PAK1: variants seen among roughly 807,000 people sequenced by gnomAD.
The protein encoded by PAK1 is p21 (RAC1) activated kinase 1.
PAK1 carries 29 observed loss-of-function variants against 67.4 expected under a neutral mutation model. The ratio of observed to expected loss-of-function variants is 0.43; its 90% CI spans 0.32 to 0.59. The LOEUF is 0.59. Among genes scored for constraint, PAK1 ranks in the 20% least tolerant of loss-of-function variants. PAK1 has a pLI of 0.07. For synonymous variants in PAK1, 223 were observed against 237.4 expected (o/e 0.94, Z 0.56); for missense variants, 337 against 670.7 (o/e 0.50, Z 5.50).
intron 1 of PAK1, among the ~76,000 whole-genome samples, chr11:77,399,525 A>T (rs1952319352): frequency 6.6e-6 from 1 of 152,212 alleles, no homozygotes; most frequent in South Asian, 2.1e-4. Flanking sequence ...CTCAGGGAGA[A>T]GTATATTAAT....
At chr11:77,454,368 C>T (rs531696849) in intron 1 of PAK1, among the ~76,000 whole-genome samples, 19 of 152,180 alleles carry the variant, frequency 1.2e-4, no homozygotes, top group Middle Eastern at 6.8e-3. Context: ...ACACATTATC[C>T]GGTTTTATAT....
upstream of PAK1, among the ~76,000 whole-genome samples, chr11:77,478,131 T>C (rs1958080135): frequency 6.6e-6 from 1 of 152,016 alleles, no homozygotes; most frequent in Admixed American, 6.6e-5. Flanking sequence ...AATGTGCACA[T>C]CTTTGGGATG....
intron 1 of PAK1, among the ~76,000 whole-genome samples, chr11:77,407,671 G>A (rs495889): frequency 0.7 from 106,586 of 152,114 alleles, 38,199 homozygotes; most frequent in African/African-American, 0.85. Flanking sequence ...CAGTGGAAGC[G>A]AAAATGCCTA....
chr11:77,420,692 A>G (rs138738085), intron 1 of PAK1, among the ~76,000 whole-genome samples: 334 of 152,292 alleles, frequency 2.2e-3, no homozygotes, highest in African/African-American at 7.3e-3. Context: ...ACCATCAGCA[A>G]CTTTTGTGTA....
the PAK1 span, among the ~76,000 whole-genome samples, chr11:77,510,526 C>A: frequency 3.3e-5 from 5 of 152,156 alleles, no homozygotes; most frequent in South Asian, 1.0e-3. Context: ...GGTGTGTACA[C>A]CGCACCTGGC....
chr11:77,477,901 A>C (rs1315081532), upstream of PAK1, among the ~76,000 whole-genome samples: 1 of 152,146 alleles, frequency 6.6e-6, no homozygotes, highest in Non-Finnish European at 1.5e-5. Flanking sequence ...CCAGCCCAGG[A>C]AACAGCGTGA....
intron 2 of PAK1, among the ~76,000 whole-genome samples, chr11:77,390,962 A>G (rs1246192791): frequency 2.0e-5 from 3 of 152,224 alleles, no homozygotes; most frequent in Non-Finnish European, 4.4e-5. Flanking sequence ...CTTATAAGAC[A>G]TATCTATATA....
intron 14 of PAK1, among the ~76,000 whole-genome samples, chr11:77,329,756 T>C (rs1940998135): frequency 6.6e-6 from 1 of 151,956 alleles, no homozygotes; most frequent in African/African-American, 2.4e-5. Context: ...CCACTCCTAT[T>C]CAACATAGTG....
chr11:77,436,717 G>A (rs185945337), intron 1 of PAK1, among the ~76,000 whole-genome samples: 6 of 152,198 alleles, frequency 3.9e-5, no homozygotes, highest in Non-Finnish European at 7.3e-5. Context: ...TAAGATATGC[G>A]TGGGAAAGCA....
At chr11:77,504,760 T>C in the PAK1 span, among the ~76,000 whole-genome samples, 1 of 152,370 alleles carries the variant, frequency 6.6e-6, no homozygotes, top group African/African-American at 2.4e-5. Flanking sequence ...AATAGAAGAC[T>C]GTTCAGTCAT....
At chr11:77,520,479 C>G in the PAK1 span, among the ~76,000 whole-genome samples, 1 of 152,122 alleles carries the variant, frequency 6.6e-6, no homozygotes, top group Non-Finnish European at 1.5e-5. Flanking sequence ...GGCCTTTTAC[C>G]TGTTTGCACA....
At chr11:77,386,296 A>C (rs998200872) in intron 2 of PAK1, among the ~76,000 whole-genome samples, 3 of 152,256 alleles carry the variant, frequency 2.0e-5, no homozygotes, top group African/African-American at 7.2e-5. Flanking sequence ...AAAACGTTCC[A>C]AACTTGGAGA....
chr11:77,440,920 C>G (rs565922018), intron 1 of PAK1, among the ~76,000 whole-genome samples: 6 of 152,196 alleles, frequency 3.9e-5, no homozygotes, highest in African/African-American at 1.4e-4. Context: ...AGTTTGTTCT[C>G]CAAAAGCTAG....
the PAK1 span, among the ~76,000 whole-genome samples, chr11:77,522,808 A>T: frequency 6.6e-6 from 1 of 152,340 alleles, no homozygotes; most frequent in Admixed American, 6.5e-5. Flanking sequence ...TAGCAAAGAC[A>T]TGAAATCAAC....
At chr11:77,481,221 T>C in the PAK1 span, among the ~76,000 whole-genome samples, 1 of 152,302 alleles carries the variant, frequency 6.6e-6, no homozygotes, top group South Asian at 2.1e-4. Context: ...TCTATTAACT[T>C]AATGTTCCAA....
the PAK1 span, among the ~76,000 whole-genome samples, chr11:77,486,190 C>T: frequency 2.6e-5 from 4 of 152,096 alleles, no homozygotes; most frequent in African/African-American, 9.7e-5. Flanking sequence ...TCTAAGATAT[C>T]GGTGGGGGTA....
rs1869350 is a variant in PAK1, at chr11:77,340,977, C to T, written c.999-214G>A. Among the ~76,000 whole-genome samples the T allele has an allele frequency of 5.7e-3, 870 of 152,336 alleles. 23 individuals are homozygous for T. The highest frequency in any genetic ancestry group is 0.04 in the Admixed American group (612 of 15,306). On this transcript the variant is annotated intron_variant, in intron 10 of 14. Coordinates refer to ENST00000356341, the MANE Select transcript of PAK1 (RefSeq NM_002576.5). Reference sequence around the variant, plus strand: ...ATGCTCCTGGAGAAAACCAAGTATACATGTTCTGTGAAGCCCCAAAGGGCA... The same window carrying T: ...ATGCTCCTGGAGAAAACCAAGTATATATGTTCTGTGAAGCCCCAAAGGGCA...
At chr11:77,418,576 T>C (rs923412796) in intron 1 of PAK1, among the ~76,000 whole-genome samples, 1 of 152,256 alleles carries the variant, frequency 6.6e-6, no homozygotes, top group Non-Finnish European at 1.5e-5. Context: ...AGTCTGCCCA[T>C]ATGTTGCCAT....
intron 13 of PAK1, among the ~76,000 whole-genome samples, chr11:77,334,106 T>C (rs891622319): frequency 1.3e-5 from 2 of 151,240 alleles, no homozygotes; most frequent in African/African-American, 2.4e-5. Flanking sequence ...GAGGTGGAGG[T>C]TGCGGTGAGC....
Sources: allele counts gnomAD v4.1 joint callset (sites outside exome capture counted in the v4.1 genomes callset), GRCh38; gene constraint gnomAD v4.1.1; transcripts MANE v1.5; gene names NCBI Gene and HGNC (gene_info 2026-07-23, HGNC 2026-07-21).